The following NRIP1 variants were observed in gnomAD, a reference collection of about 807,000 sequenced individuals.
The protein encoded by NRIP1 is nuclear receptor-interacting protein 1.
Under a neutral mutation model 75.0 loss-of-function variants are expected in NRIP1, and 28 were observed. The ratio of observed to expected loss-of-function variants is 0.37; its 90% CI spans 0.28 to 0.51. The LOEUF (loss-of-function observed/expected upper bound fraction) is 0.51. Among genes scored for constraint, NRIP1 ranks in the 20% least tolerant of loss-of-function variants. NRIP1 has a pLI of 0.92. For missense variants in NRIP1, 1,435 were observed against 1,343.7 expected (o/e 1.07, Z -1.06); for synonymous variants, 526 against 487.6 (o/e 1.08, Z -1.04).
rs932001220 is a variant in NRIP1, at chr21:14,969,496, A to C, written c.-334-970T>G. Among the ~76,000 whole-genome samples, 14 of 152,356 alleles carry C rather than the reference A, an allele frequency of 9.2e-5. No homozygotes were observed. In the East Asian group the frequency reaches 9.6e-4, roughly 10 times the overall value. On this transcript the variant is annotated intron_variant, in intron 3 of 3. Transcript: ENST00000318948. ...ATCACTAACACATACACAACAGAAG[A>C]AGCAAGAACTCATTGCATTTCTGAA...
intron 3 of NRIP1, among the ~76,000 whole-genome samples, chr21:14,981,656 AG>A (rs1401198452): frequency 6.6e-6 from 1 of 152,244 alleles, no homozygotes; most frequent in Non-Finnish European, 1.5e-5. Flanking sequence ...TTAACAATAA[AG>A]AACATTAAAA....
intron 3 of NRIP1, among the ~76,000 whole-genome samples, chr21:14,970,656 C>T (rs187662732): frequency 2.0e-5 from 3 of 152,344 alleles, no homozygotes; most frequent in South Asian, 4.1e-4. Flanking sequence ...TTTCTCTCCA[C>T]ACCACTGCCA....
intron 2 of NRIP1, among the ~76,000 whole-genome samples, chr21:15,025,900 A>C (rs1716601315): frequency 6.6e-6 from 1 of 152,236 alleles, no homozygotes; most frequent in Non-Finnish European, 1.5e-5. Context: ...GAGACCAAAA[A>C]GATGAGACAA....
At chr21:14,970,856 T>C (rs1317955946) in intron 3 of NRIP1, among the ~76,000 whole-genome samples, 1 of 152,260 alleles carries the variant, frequency 6.6e-6, no homozygotes, top group Non-Finnish European at 1.5e-5. Context: ...CAAAGTATTA[T>C]TCATTGCTTT....
chr21:14,980,774 TA>T (rs751447976), intron 3 of NRIP1, among the ~76,000 whole-genome samples: 15 of 152,146 alleles, frequency 9.9e-5, no homozygotes, highest in Admixed American at 2.0e-4. Context: ...TATGTACATG[TA>T]AATGTTCTCA....
intron 3 of NRIP1, among the ~76,000 whole-genome samples, chr21:14,981,424 G>A (rs2087229842): frequency 6.6e-6 from 1 of 152,170 alleles, no homozygotes; most frequent in South Asian, 2.1e-4. Context: ...CAGGTTTAGG[G>A]CACGTTCTGC....
rs1600806265 is a variant in NRIP1, at chr21:14,967,599, C to G, written c.594G>C (p.Lys198Asn). 1 of 1,613,876 alleles carries G rather than the reference C, an allele frequency of 6.2e-7. No homozygotes were observed. The highest frequency in any genetic ancestry group is 2.2e-5 in the East Asian group (1 of 44,882). Residue 198 changes from lysine (K) to asparagine (N), a missense_variant, in exon 4 of 4, where the codon AAG becomes AAC. Lys to Asn is a moderately conservative substitution (Grantham distance 94). Coordinates refer to ENST00000318948, the MANE Select transcript of NRIP1 (RefSeq NM_003489.4). ...LLKKSKVKDQ[K>N]PDTNLPDVTK... ...TCACATCAGGAAGATTCGTATCAGG[C>G]TTTTGATCTTTAACTTTACTTTTCT... is the stretch of plus-strand genomic sequence containing the variant.
At chr21:14,990,461 A>G (rs1600840762) in intron 3 of NRIP1, among the ~76,000 whole-genome samples, 1 of 152,208 alleles carries the variant, frequency 6.6e-6, no homozygotes, top group African/African-American at 2.4e-5. Context: ...ATGAGCCTTG[A>G]GCAAGGTTGA....
chr21:15,049,080 G>C (rs1212015155), intron 1 of NRIP1, among the ~76,000 whole-genome samples: 1 of 151,932 alleles, frequency 6.6e-6, no homozygotes, highest in African/African-American at 2.4e-5. Flanking sequence ...CCTAAATAAA[G>C]AACAATTCTA....
At chr21:15,045,208 T>C (rs890410584) in intron 1 of NRIP1, among the ~76,000 whole-genome samples, 2 of 152,144 alleles carry the variant, frequency 1.3e-5, no homozygotes, top group Admixed American at 6.5e-5. Context: ...GTTGGGACTC[T>C]AGTGTCGCTG....
intron 2 of NRIP1, among the ~76,000 whole-genome samples, chr21:15,026,985 A>G (rs2088535822): frequency 6.6e-6 from 1 of 152,200 alleles, no homozygotes; most frequent in African/African-American, 2.4e-5. Context: ...GCCTGTATCA[A>G]AACATCTCTG....
intron 3 of NRIP1, among the ~76,000 whole-genome samples, chr21:14,995,766 CGTGTGT>C (rs55916377): frequency 2.7e-5 from 4 of 149,464 alleles, no homozygotes; most frequent in Admixed American, 6.7e-5. Context: ...GCTGTGTGTG[CGTGTGT>C]GTGTGTGTGT....
At chr21:14,987,071 A>G (rs1420446314) in intron 3 of NRIP1, among the ~76,000 whole-genome samples, 2 of 152,190 alleles carry the variant, frequency 1.3e-5, no homozygotes, top group African/African-American at 4.8e-5. Flanking sequence ...GCTTATTTCT[A>G]AAAACCTCTA....
At chr21:14,990,924 A>T (rs1191374213) in intron 3 of NRIP1, among the ~76,000 whole-genome samples, 1 of 152,184 alleles carries the variant, frequency 6.6e-6, no homozygotes, top group African/African-American at 2.4e-5. Context: ...AGTGGGAAGA[A>T]GGGTTACCCT....
At chr21:15,045,072 C>G (rs1486910663) in intron 1 of NRIP1, among the ~76,000 whole-genome samples, 2 of 152,130 alleles carry the variant, frequency 1.3e-5, no homozygotes, top group Non-Finnish European at 2.9e-5. Context: ...TCTCTCTCAT[C>G]CACTCATTCA....
intron 2 of NRIP1, among the ~76,000 whole-genome samples, chr21:15,041,337 G>C (rs2823017): frequency 0.29 from 44,727 of 151,994 alleles, 9,300 homozygotes; most frequent in African/African-American, 0.6. Context: ...GTAGAGGCAG[G>C]ATCGATTAGA....
At chr21:15,050,602 T>C (rs1314826669) in intron 1 of NRIP1, 1 of 379,084 alleles carries the variant, frequency 2.6e-6, no homozygotes, top group Admixed American at 3.2e-5. Flanking sequence ...AGAAATAGGT[T>C]AGAGTCTAAG....
At position 14,982,599 on chromosome 21, in the gene NRIP1, G is replaced by A. The variant is rs75245173; in HGVS notation, c.-334-14073C>T. ...TAGTTGTTCCTCTCTGTGACTCCACGGCACTCAGTAGATCTTTCAATCATC... is the reference window on the plus strand; with the variant it reads ...TAGTTGTTCCTCTCTGTGACTCCACAGCACTCAGTAGATCTTTCAATCATC... On this transcript the variant is annotated intron_variant, in intron 3 of 3. Coordinates refer to ENST00000318948, the MANE Select transcript of NRIP1 (RefSeq NM_003489.4). 4.1e-3 allele frequency among the ~76,000 whole-genome samples: 623 copies of A among 152,162 alleles called. 4 individuals carry two copies. Among genetic ancestry groups the A allele is most frequent in the Middle Eastern group, 0.031 (9 of 294 alleles).
At chr21:15,034,974 T>C (rs1166916627) in intron 2 of NRIP1, among the ~76,000 whole-genome samples, 1 of 152,228 alleles carries the variant, frequency 6.6e-6, no homozygotes, top group African/African-American at 2.4e-5. Flanking sequence ...ATGCACTTTA[T>C]GTATTTCCTC....
Sources: gnomAD v4.1 joint callset for allele counts (sites outside exome capture counted in the v4.1 genomes callset) on GRCh38, gnomAD v4.1.1 for gene constraint, MANE v1.5 for transcripts, NCBI Gene and HGNC (gene_info 2026-07-23, HGNC 2026-07-21) for gene names.